Variants in THSD4 observed in about 807,000 individuals in gnomAD.
The protein encoded by THSD4 is thrombospondin type 1 domain containing 4.
THSD4 carries 69 observed loss-of-function variants against 119.0 expected under a neutral mutation model. The observed-to-expected ratio is 0.58, with a 90% confidence interval of 0.48 to 0.71. The LOEUF is 0.71. THSD4 is among the 30% of genes least tolerant of loss of function. The pLI is 0.00. For synonymous variants in THSD4, 524 were observed against 540.4 expected, an observed-to-expected ratio of 0.97 and a Z score of 0.42; for missense variants, 1,393 against 1,391.1, an observed-to-expected ratio of 1.00 and a Z score of -0.02.
chr15:71,341,073 G>C (rs937527214), intron 6 of THSD4: 9 of 976,522 alleles, frequency 9.2e-6, no homozygotes, highest in Admixed American at 8.9e-5. Flanking sequence ...TTGTTGCCTT[G>C]CCTTTTCTTT....
intron 6 of THSD4, among the ~76,000 whole-genome samples, chr15:71,369,825 C>G (rs540954119): frequency 0.015 from 2,212 of 152,230 alleles, 25 homozygotes; most frequent in Non-Finnish European, 0.022. Flanking sequence ...CCCTCTTTTT[C>G]TATTGATTGG....
At position 71,376,444 on chromosome 15, in the gene THSD4, T is replaced by A. The variant is rs542888819; in HGVS notation, c.1016-35243T>A. Among the ~76,000 whole-genome samples the A allele has an allele frequency of 7.5e-4, 114 of 152,320 alleles. 1 individual carries two copies. Among genetic ancestry groups the A allele is most frequent in the African/African-American group, 2.6e-3 (110 of 41,582 alleles). ...ATACCACCACTCTTCTGGGTCTTGATTGATAGTTTGCCCTGTCACTGTTTG... is the reference window on the plus strand; with the variant it reads ...ATACCACCACTCTTCTGGGTCTTGAATGATAGTTTGCCCTGTCACTGTTTG... On this transcript the variant is annotated intron_variant, in intron 6 of 17. Coordinates refer to ENST00000261862, the MANE Select transcript of THSD4 (RefSeq NM_024817.3).
intron 7 of THSD4, among the ~76,000 whole-genome samples, chr15:71,494,687 G>A (rs940213059): frequency 1.3e-5 from 2 of 151,944 alleles, no homozygotes; most frequent in African/African-American, 4.8e-5. Context: ...CCAAATCAAA[G>A]CCCCATCAGA....
intron 7 of THSD4, among the ~76,000 whole-genome samples, chr15:71,596,298 GAC>G (rs2049905816): frequency 6.6e-6 from 1 of 152,192 alleles, no homozygotes; most frequent in Non-Finnish European, 1.5e-5. Flanking sequence ...GTCAGATTGT[GAC>G]ATTGTTGTGG....
At chr15:71,193,627 G>A (rs1050191966) in intron 3 of THSD4, among the ~76,000 whole-genome samples, 3 of 152,162 alleles carry the variant, frequency 2.0e-5, no homozygotes, top group East Asian at 1.9e-4. Flanking sequence ...GGAGGGACCC[G>A]GTAGAGATCA....
intron 6 of THSD4, among the ~76,000 whole-genome samples, chr15:71,332,892 A>ATTTTTTTTATT (rs2045442130): frequency 1.3e-5 from 1 of 76,940 alleles, no homozygotes; most frequent in African/African-American, 4.0e-5. Flanking sequence ...ATTTTTTTAC[A>ATTTTTTTTATT]TTTTTTTTTT....
chr15:71,256,665 A>G lies in THSD4; in HGVS notation c.965A>G (p.Asn322Ser). Residue 322 changes from asparagine to serine, a missense_variant, in exon 6 of 18, where the codon AAC becomes AGC. By Grantham distance (46) the Asn-to-Ser change is conservative (BLOSUM62 1). Coordinates refer to ENST00000261862, the MANE Select transcript of THSD4 (RefSeq NM_024817.3). ...CGGGAGGTACAGTGTGCATCCTACA[A>G]CAACAAGCCATTCATGGGCCGGTTT... ...SIREVQCASY[N>S]NKPFMGRFYE... The G allele has an allele frequency of 6.2e-7, 1 of 1,614,104 alleles. No homozygotes were observed.
chr15:71,699,306 G>A (rs2052236020), intron 8 of THSD4, among the ~76,000 whole-genome samples: 1 of 61,254 alleles, frequency 1.6e-5, no homozygotes, highest in Non-Finnish European at 2.7e-5. Flanking sequence ...TCCGCCTCCC[G>A]GGTTCACGCC....
intron 8 of THSD4, among the ~76,000 whole-genome samples, chr15:71,662,715 G>T (rs902044948): frequency 2.5e-4 from 38 of 152,086 alleles, no homozygotes; most frequent in Admixed American, 2.5e-3. Flanking sequence ...AGCTCTCGGA[G>T]GCTTGTTGTT....
chr15:71,341,465 C>T (rs1241181398), intron 6 of THSD4: 1 of 1,613,262 alleles, frequency 6.2e-7, no homozygotes, highest in Non-Finnish European at 8.5e-7. Context: ...CTTTTTGGGC[C>T]ACCGACCTTG....
chr15:71,118,291 T>G (rs1313678718), intron 1 of THSD4, among the ~76,000 whole-genome samples: 2 of 152,124 alleles, frequency 1.3e-5, no homozygotes, highest in African/African-American at 4.8e-5. Context: ...AGGCCATCCC[T>G]CCACTCACCC....
chr15:71,654,573 G>A (rs2051152853), intron 7 of THSD4, among the ~76,000 whole-genome samples: 1 of 152,180 alleles, frequency 6.6e-6, no homozygotes, highest in Admixed American at 6.5e-5. Flanking sequence ...TGCTTTCCAG[G>A]AAGGTGGTAT....
chr15:71,448,367 T>C (rs911333871), intron 7 of THSD4, among the ~76,000 whole-genome samples: 2 of 152,170 alleles, frequency 1.3e-5, no homozygotes, highest in African/African-American at 4.8e-5. Context: ...GGTCCTTATC[T>C]CAAGTCTAAC....
intron 2 of THSD4, among the ~76,000 whole-genome samples, chr15:71,147,136 G>A (rs1449901623): frequency 6.6e-6 from 1 of 152,192 alleles, no homozygotes; most frequent in Non-Finnish European, 1.5e-5. Context: ...TTTTCCAACA[G>A]GGAATTCTGG....
Position 71,340,232 on chromosome 15 carries a change from T to C in THSD4, c.1016-71455T>C, listed in dbSNP as rs368089508. Reference sequence around the variant, plus strand: ...GTGCGGGTACACCTGCTCCTTGGCATATGCCTTGGCTTCACATCTTGCCAG... The same window carrying C: ...GTGCGGGTACACCTGCTCCTTGGCACATGCCTTGGCTTCACATCTTGCCAG... On this transcript the variant is annotated intron_variant, in intron 6 of 17. Transcript: ENST00000261862. 8.6e-4 allele frequency among the ~76,000 whole-genome samples: 131 copies of C among 152,360 alleles called. 4 individuals are homozygous for C. The South Asian group carries it at 0.026, about 31-fold the overall frequency.
In THSD4 at chr15:71,707,944, T is replaced by C. The variant is rs144805322; in HGVS notation, c.1358-20605T>C. On this transcript the variant is annotated intron_variant, in intron 8 of 17. Transcript: ENST00000261862. ...ACTGTGTTGTGCAAGAGTATATTCT[T>C]GGAGCCTCTTAAAATCCAGTTTGCT... Among the ~76,000 whole-genome samples, 7 of 152,314 alleles carry C rather than the reference T, an allele frequency of 4.6e-5. No individual in the cohort carries two copies. In the East Asian group the frequency reaches 1.3e-3, roughly 29 times the overall value.
intron 7 of THSD4, among the ~76,000 whole-genome samples, chr15:71,625,804 G>A (rs1394654079): frequency 2.6e-5 from 4 of 152,208 alleles, no homozygotes; most frequent in African/African-American, 9.6e-5. Flanking sequence ...TTCCAGGGTG[G>A]AGGGGGTGGA....
intron 6 of THSD4, among the ~76,000 whole-genome samples, chr15:71,311,854 C>G (rs978185944): frequency 2.0e-5 from 3 of 152,096 alleles, no homozygotes; most frequent in African/African-American, 7.2e-5. Flanking sequence ...ATCTGTCCTC[C>G]TCTTTCCACC....
chr15:71,204,154 C>T lies in THSD4; in HGVS notation c.100-10881C>T, dbSNP rs190298018. Among the ~76,000 whole-genome samples the T allele has an allele frequency of 3.8e-4, 58 of 152,320 alleles. 1 individual carries two copies. Among genetic ancestry groups the T allele is most frequent in the Admixed American group, 3.7e-3 (57 of 15,306 alleles). On this transcript the variant is annotated intron_variant, in intron 3 of 17. Coordinates refer to ENST00000261862, the MANE Select transcript of THSD4 (RefSeq NM_024817.3). ...TTTCCTGAGTAACTGCACAGCAACA[C>T]AGGGCCAAGTGGGTACCAAGGCACA...
Sources: gnomAD v4.1 joint callset for allele counts (sites outside exome capture counted in the v4.1 genomes callset) on GRCh38, gnomAD v4.1.1 for gene constraint, MANE v1.5 for transcripts, NCBI Gene and HGNC (gene_info 2026-07-23, HGNC 2026-07-21) for gene names.